The following TNNI3 variants were observed in gnomAD, a reference collection of about 807,000 sequenced individuals.
TNNI3 encodes troponin I3, cardiac type, also known as troponin I, cardiac muscle.
TNNI3 carries 23 observed loss-of-function variants against 31.5 expected under a neutral mutation model. The observed-to-expected ratio is 0.73, with a 90% CI of 0.52 to 1.03. The LOEUF (loss-of-function observed/expected upper bound fraction) is 1.03, where lower values mean the gene tolerates loss of function less well. Ranked by LOEUF, TNNI3 falls within the 50% of genes least tolerant of loss-of-function variation. The pLI, the probability that TNNI3 is intolerant of heterozygous loss-of-function variation, is 0.00. For missense variants in TNNI3, 236 were observed against 282.9 expected (o/e 0.83, Z 1.19); for synonymous variants, 120 against 111.7 (o/e 1.07, Z -0.47).
Position 55,156,597 on chromosome 19 carries a change from C to T in TNNI3, c.150+6G>A. 1 of 1,562,024 alleles carries T rather than the reference C, an allele frequency of 6.4e-7. No individual in the cohort carries two copies. Among genetic ancestry groups the T allele is most frequent in the Non-Finnish European group, 8.7e-7 (1 of 1,151,646 alleles). On this transcript the variant is annotated splice_donor_region_variant and intron_variant, in intron 4 of 7. Transcript: ENST00000344887. The surrounding 1 kb of genome is among the most constrained non-coding windows in gnomAD (Gnocchi z 4.6). Reference sequence around the variant, plus strand: ...CCTGCTCTTTCCCAGTCCCGCCCGTCCTCACCTTCAGCTGCAATTTTCTCG... The same window carrying T: ...CCTGCTCTTTCCCAGTCCCGCCCGTTCTCACCTTCAGCTGCAATTTTCTCG...
chr19:55,154,720 C>T (rs745823016), intron 6 of TNNI3, 21 bp downstream of exon 6: 10 of 1,611,680 alleles, frequency 6.2e-6, no homozygotes, highest in South Asian at 2.2e-5. Context: ...CGAAGGTACC[C>T]GAGCTGCCCA....
rs145132260 is a variant in TNNI3 at position 55,154,597 on chromosome 19, T to C, written c.372+144A>G. The C allele has an allele frequency of 7.2e-5, 55 of 764,094 alleles. No homozygotes were observed. In the African/African-American group the frequency reaches 7.7e-4, roughly 11 times the overall value. 47.3% of individuals were successfully genotyped at this position (764,094 alleles called of 1,614,324 possible). On this transcript the variant is annotated intron_variant, in intron 6 of 7. Transcript: ENST00000344887. ...TTCCTTGACTATATTGTACTCATCC[T>C]TCTGCCCCAGCCCTGCCAGGCTCAC... is the stretch of plus-strand genomic sequence containing the variant.
In TNNI3 at chr19:55,157,704, C is replaced by T. The variant is rs1033504354; in HGVS notation, c.-115G>A. ...GGTCCCAGGGACCGTCAGTCTCCTC[C>T]GGGCTGCTTGAGACTCCCCGAGGAC... On this transcript the variant is annotated 5_prime_UTR_variant, in exon 1 of 8. Coordinates refer to ENST00000344887, the MANE Select transcript of TNNI3 (RefSeq NM_000363.5). This position sits in a 1 kb window ranked among gnomAD's most constrained non-coding sequence, Gnocchi z 6.3. The T allele has an allele frequency of 5.4e-6, 7 of 1,284,464 alleles. No homozygotes were observed. The highest frequency in any genetic ancestry group is 7.8e-6 in the Non-Finnish European group (7 of 893,772). The allele number at this position is 1,284,464 out of a possible 1,614,324, so 79.6% of individuals were successfully genotyped here. A position where few individuals can be genotyped will look rare whatever the true frequency, so the allele number is the denominator to read the frequency against.
chr19:55,154,351 T>G, intron 6 of TNNI3, 145 bp from the exon 7 acceptor site: 2 of 864,402 alleles, frequency 2.3e-6, no homozygotes, highest in Non-Finnish European at 1.8e-6. Flanking sequence ...GCTCCCAGTC[T>G]AGGCTTCTAA....
At position 55,154,927 on chromosome 19, in the gene TNNI3, C is replaced by T. The variant is rs1444901791; in HGVS notation, c.283-97G>A. On this transcript the variant is annotated intron_variant, in intron 5 of 7. Transcript: ENST00000344887. The stretch of plus-strand genomic sequence containing the variant: ...GAGAAGGGGCTCGGGGCCTGGACTC[C>T]TGGGTCTGAGGGAGGAGAAGGGGCT... The T allele has an allele frequency of 2.8e-6, 3 of 1,059,736 alleles. No individual in the cohort carries two copies. The African/African-American group carries it at 4.9e-5, about 17-fold the overall frequency. The allele number at this position is 1,059,736 out of a possible 1,614,324, so 65.6% of individuals were successfully genotyped here. A position where few individuals can be genotyped will look rare whatever the true frequency, so the allele number is the denominator to read the frequency against.
At position 55,154,082 on chromosome 19, in the gene TNNI3, G is replaced by A. The variant is rs727504242; in HGVS notation, c.497C>T (p.Ser166Phe). 5.0e-6 allele frequency: 8 copies of A among 1,612,566 alleles called. No homozygotes were observed. Among genetic ancestry groups the A allele is most frequent in the African/African-American group, 1.3e-5 (1 of 74,758 alleles). The stretch of plus-strand genomic sequence containing the variant: ...CTTGAGGTGGGCCCGCAGGTCCAGG[G>A]ACTCCTTAGCCCGGGCCCCCAGCAG... ...QALLGARAKE[S>F]LDLRAHLKQV... is the part of the protein sequence containing the mutation. The change falls in exon 7 of 8, where the codon TCC becomes TTC. Residue 166 changes from serine (S) to phenylalanine (F), a missense_variant. Physicochemically the swap from Ser to Phe is radical, Grantham distance 155. Transcript: ENST00000344887.
rs2085698940 is a variant in TNNI3 at position 55,152,164 on chromosome 19, A to C, written c.550-247T>G. ...TTCCCCAGCACTTCCTGTCTCCCTCATGTACTTTCTGTCTTTCCCCATCCA... is the reference window on the plus strand; with the variant it reads ...TTCCCCAGCACTTCCTGTCTCCCTCCTGTACTTTCTGTCTTTCCCCATCCA... On this transcript the variant is annotated intron_variant, in intron 7 of 7. Coordinates refer to ENST00000344887, the MANE Select transcript of TNNI3 (RefSeq NM_000363.5). This position sits in a 1 kb window ranked among gnomAD's most constrained non-coding sequence, Gnocchi z 4.0. 7.2e-6 allele frequency among the ~76,000 whole-genome samples: 1 copy of C among 139,378 alleles called. No homozygotes were observed. The highest frequency in any genetic ancestry group is 2.8e-5 in the African/African-American group (1 of 36,054). 91.4% of individuals were successfully genotyped at this position (139,378 alleles called of 152,430 possible). A position where few individuals can be genotyped will look rare whatever the true frequency, so the allele number is the denominator to read the frequency against.
At position 55,156,868 on chromosome 19, in the gene TNNI3, G is replaced by C. The variant is rs28526132; in HGVS notation, c.108+182C>G. The C allele has an allele frequency of 7.1e-3, 6,147 of 867,218 alleles. 251 individuals carry two copies. The African/African-American group carries it at 0.09, about 13-fold the overall frequency. The allele number at this position is 867,218 out of a possible 1,614,324, so 53.7% of individuals were successfully genotyped here. A position where few individuals can be genotyped will look rare whatever the true frequency, so the allele number is the denominator to read the frequency against. ...CCATCTATCCCTAAGCAAGTCCGAGGGCAACGGAGTTCCGCCCGCAGGCTG... is the reference window on the plus strand; with the variant it reads ...CCATCTATCCCTAAGCAAGTCCGAGCGCAACGGAGTTCCGCCCGCAGGCTG... On this transcript the variant is annotated intron_variant, in intron 3 of 7. Coordinates refer to ENST00000344887, the MANE Select transcript of TNNI3 (RefSeq NM_000363.5). This position sits in a 1 kb window ranked among gnomAD's most constrained non-coding sequence, Gnocchi z 4.6.
Position 55,156,065 on chromosome 19 carries a change from GC to G in TNNI3, c.282+135del. 7.5e-7 allele frequency: 1 copy of G among 1,334,542 alleles called. No individual in the cohort carries two copies. Among genetic ancestry groups the G allele is most frequent in the Non-Finnish European group, 1.1e-6 (1 of 942,858 alleles). 82.7% of individuals were successfully genotyped at this position (1,334,542 alleles called of 1,614,324 possible). ...GACCTGCACACAAAGGGTGTTAGGG[GC>G]CAGGAGTCCCACGAACCATATATAA... On this transcript the variant is annotated intron_variant, in intron 5 of 7. Transcript: ENST00000344887. This position sits in a 1 kb window ranked among gnomAD's most constrained non-coding sequence, Gnocchi z 4.6.
Position 55,156,697 on chromosome 19 carries a change from A to G in TNNI3, c.109-53T>C. The G allele has an allele frequency of 6.5e-7, 1 of 1,544,936 alleles. No individual in the cohort carries two copies. Among genetic ancestry groups the G allele is most frequent in the Non-Finnish European group, 8.8e-7 (1 of 1,140,132 alleles). ...GATCATGGAGGGGGATTCGGAGACG[A>G]CGGTGGAGGGGACCTCAAGACACCC... is the stretch of plus-strand genomic sequence containing the variant. On this transcript the variant is annotated intron_variant, in intron 3 of 7. Transcript: ENST00000344887. This position sits in a 1 kb window ranked among gnomAD's most constrained non-coding sequence, Gnocchi z 4.6.
At position 55,157,662 on chromosome 19, in the gene TNNI3, G is replaced by A. The variant is rs376861481; in HGVS notation, c.-73C>T. On this transcript the variant is annotated 5_prime_UTR_variant, in exon 1 of 8. Coordinates refer to ENST00000344887, the MANE Select transcript of TNNI3 (RefSeq NM_000363.5). This position sits in a 1 kb window ranked among gnomAD's most constrained non-coding sequence, Gnocchi z 6.3. ...CGTTTGGAGGGTCAGTGAGGGGGCC[G>A]CCCGGGTGACCTTCAGGGTCCCAGG... 3.7e-5 allele frequency: 58 copies of A among 1,585,682 alleles called. No individual in the cohort carries two copies. Among genetic ancestry groups the A allele is most frequent in the African/African-American group, 9.4e-5 (7 of 74,294 alleles).
chr19:55,157,584 C>A lies in TNNI3; in HGVS notation c.6G>T (p.Ala2=), dbSNP rs397516361. ...TGCCTTGGGGCATCACTCACCCATC[C>A]GCCATGCTGAGACTCAGGCCGGGAA... M[A]DGSSDAAREP... The change falls in exon 1 of 8, where the codon GCG becomes GCT. Residue 2 remains alanine, a synonymous_variant. Transcript: ENST00000344887. This position sits in a 1 kb window ranked among gnomAD's most constrained non-coding sequence, Gnocchi z 6.3. The A allele has an allele frequency of 4.3e-6, 7 of 1,613,978 alleles. No homozygotes were observed. The South Asian group carries it at 6.6e-5, about 15-fold the overall frequency.
Position 55,154,266 on chromosome 19 carries a change from C to T in TNNI3, c.373-60G>A, listed in dbSNP as rs3729715. Reference sequence around the variant, plus strand: ...CCATTTCCCGCACACCCAACTCCTCCATCCTACACTCCTTTTTTATTCTCC... The same window carrying T: ...CCATTTCCCGCACACCCAACTCCTCTATCCTACACTCCTTTTTTATTCTCC... On this transcript the variant is annotated intron_variant, in intron 6 of 7. Coordinates refer to ENST00000344887, the MANE Select transcript of TNNI3 (RefSeq NM_000363.5). 3.3e-4 allele frequency: 501 copies of T among 1,533,844 alleles called. 3 individuals carry two copies. The African/African-American group carries it at 6.5e-3, about 20-fold the overall frequency.
intron 6 of TNNI3, 39 bp downstream of exon 6, chr19:55,154,702 C>A (rs1261568609): frequency 6.3e-7 from 1 of 1,588,824 alleles, no homozygotes; most frequent in Non-Finnish European, 8.6e-7. Context: ...AGCCATCTCA[C>A]CCTACCCCGA....
In TNNI3 at chr19:55,156,565, G is replaced by T. The variant is rs775251397; in HGVS notation, c.150+38C>A. The T allele has an allele frequency of 2.6e-6, 4 of 1,553,818 alleles. No individual in the cohort carries two copies. The highest frequency in any genetic ancestry group is 3.5e-6 in the Non-Finnish European group (4 of 1,147,764). On this transcript the variant is annotated intron_variant, in intron 4 of 7. Coordinates refer to ENST00000344887, the MANE Select transcript of TNNI3 (RefSeq NM_000363.5). This position sits in a 1 kb window ranked among gnomAD's most constrained non-coding sequence, Gnocchi z 4.6. The stretch of plus-strand genomic sequence containing the variant: ...CCCATTCTCAAGCTCCGCCCCCTGA[G>T]CACCTGCCTGCTCTTTCCCAGTCCC...
intron 7 of TNNI3, 124 bp downstream of exon 7, chr19:55,153,906 G>T: frequency 1.0e-6 from 1 of 974,504 alleles, no homozygotes. Context: ...TTGCATTTCT[G>T]AGGACCCCTT....
rs192630178 is a variant in TNNI3, at chr19:55,154,221, G to C, written c.373-15C>G. ...AGATCTGCAATCTGGGGGCACACGA[G>C]GGGGTGGGTACTTCTCCTTCCATTT... On this transcript the variant is annotated splice_polypyrimidine_tract_variant and intron_variant, in intron 6 of 7. Coordinates refer to ENST00000344887, the MANE Select transcript of TNNI3 (RefSeq NM_000363.5). 2.4e-4 allele frequency: 381 copies of C among 1,609,660 alleles called. 2 individuals are homozygous for C. In the African/African-American group the frequency reaches 4.5e-3, roughly 19 times the overall value.
At position 55,156,649 on chromosome 19, in the gene TNNI3, C is replaced by T; in HGVS notation, c.109-5G>A. ...GGCGGAGATCTTAGATTTTTTCTGC[C>T]AGGGTGAGATGGAGCAAGGAAGGAT... On this transcript the variant is annotated splice_polypyrimidine_tract_variant and splice_region_variant and intron_variant, in intron 3 of 7. Transcript: ENST00000344887. The surrounding 1 kb of genome is among the most constrained non-coding windows in gnomAD (Gnocchi z 4.6). The T allele has an allele frequency of 1.9e-6, 3 of 1,563,892 alleles. No individual in the cohort carries two copies. Among genetic ancestry groups the T allele is most frequent in the South Asian group, 1.2e-5 (1 of 85,326 alleles).
At position 55,157,394 on chromosome 19, in the gene TNNI3, A is replaced by T; in HGVS notation, c.12-86T>A. On this transcript the variant is annotated intron_variant, in intron 1 of 7. Transcript: ENST00000344887. This position sits in a 1 kb window ranked among gnomAD's most constrained non-coding sequence, Gnocchi z 6.3. ...ACCCCTGGAGTCCCCTCTGAACAAG[A>T]GGTCGGGGGACCGCGCTTCCCCTTC... The T allele has an allele frequency of 6.2e-7, 1 of 1,606,206 alleles. No individual in the cohort carries two copies. The highest frequency in any genetic ancestry group is 8.5e-7 in the Non-Finnish European group (1 of 1,174,668).
Sources: allele counts gnomAD v4.1 joint callset (sites outside exome capture counted in the v4.1 genomes callset), GRCh38; gene constraint gnomAD v4.1.1; non-coding constraint Gnocchi (gnomAD v3.1); transcripts MANE v1.5; gene names NCBI Gene and HGNC (gene_info 2026-07-23, HGNC 2026-07-21).